Variants in EPHA6 observed in about 807,000 individuals in gnomAD.
EPHA6 encodes the protein EPH receptor A6.
In EPHA6, 50 loss-of-function variants were observed where a neutral mutation model predicts 112.0. That is an observed-to-expected ratio of 0.45 (90% CI 0.36 to 0.56). The LOEUF (loss-of-function observed/expected upper bound fraction) is 0.56, where lower values mean the gene tolerates loss of function less well. Ranked by LOEUF, EPHA6 falls within the 20% of genes least tolerant of loss-of-function variation. The pLI, the probability that EPHA6 is intolerant of heterozygous loss-of-function variation, is 0.00. For synonymous variants in EPHA6, 529 were observed against 490.7 expected (o/e 1.08, Z -1.03); for missense variants, 1,280 against 1,417.4 (o/e 0.90, Z 1.56).
At chr3:97,368,924 C>T (rs2084893159) in intron 5 of EPHA6, among the ~76,000 whole-genome samples, 1 of 151,968 alleles carries the variant, frequency 6.6e-6, no homozygotes, top group Non-Finnish European at 1.5e-5. Context: ...GGAAAATAAC[C>T]TGGTTGCTAT....
chr3:97,663,005 A>G (rs1455724473), intron 14 of EPHA6, among the ~76,000 whole-genome samples: 2 of 152,220 alleles, frequency 1.3e-5, no homozygotes, highest in African/African-American at 2.4e-5. Flanking sequence ...CACCAGGGTC[A>G]GTCTTTGATC....
At chr3:97,730,106 C>A (rs755464202) in intron 15 of EPHA6, among the ~76,000 whole-genome samples, 10 of 152,074 alleles carry the variant, frequency 6.6e-5, no homozygotes, top group Non-Finnish European at 1.3e-4. Flanking sequence ...ACAGTCTAAG[C>A]AGTCCTTGCT....
chr3:97,135,740 TAAAA>T (rs58000616), intron 3 of EPHA6, among the ~76,000 whole-genome samples: 1 of 119,716 alleles, frequency 8.4e-6, no homozygotes, highest in Admixed American at 8.6e-5. Flanking sequence ...ATGGCAAGAT[TAAAA>T]AAAAAAAAAA....
At chr3:96,872,117 C>A (rs975485829) in intron 2 of EPHA6, among the ~76,000 whole-genome samples, 2 of 152,100 alleles carry the variant, frequency 1.3e-5, no homozygotes, top group African/African-American at 2.4e-5. Flanking sequence ...TGCAAATGAA[C>A]AGCCTCCTGC....
Position 97,420,728 on chromosome 3 carries a change from C to A in EPHA6, c.1731+15454C>A, listed in dbSNP as rs544114854. The stretch of plus-strand genomic sequence containing the variant: ...AGGCCAGAATAACCTCTTAACTGAA[C>A]GAGGGCAGTAGGAGAAATAATAACT... On this transcript the variant is annotated intron_variant, in intron 6 of 17. Transcript: ENST00000389672. Among the ~76,000 whole-genome samples, 12 of 151,666 alleles carry A rather than the reference C, an allele frequency of 7.9e-5. No individual in the cohort carries two copies. In the East Asian group the frequency reaches 2.1e-3, roughly 27 times the overall value.
chr3:97,261,808 A>G (rs1403122865), intron 5 of EPHA6, among the ~76,000 whole-genome samples: 2 of 152,178 alleles, frequency 1.3e-5, no homozygotes, highest in Non-Finnish European at 2.9e-5. Flanking sequence ...AACCAACCCA[A>G]TGAGATGCTA....
rs564857011 is a variant in EPHA6 at position 97,239,062 on chromosome 3, T to C, written c.1271-4890T>C. Among the ~76,000 whole-genome samples the C allele has an allele frequency of 2.0e-5, 3 of 152,098 alleles. No individual in the cohort carries two copies. The East Asian group carries it at 5.8e-4, about 29-fold the overall frequency. On this transcript the variant is annotated intron_variant, in intron 4 of 17. Coordinates refer to ENST00000389672, the MANE Select transcript of EPHA6 (RefSeq NM_001080448.3). ...AACAAGTTTTGTTTTAGGCATCAAT[T>C]TAATTACTAAAAGTAGGTGCAAGCA...
intron 10 of EPHA6, among the ~76,000 whole-genome samples, chr3:97,488,903 C>T (rs1446285147): frequency 6.6e-6 from 1 of 152,148 alleles, no homozygotes; most frequent in East Asian, 1.9e-4. Context: ...CTTTCTAAAT[C>T]AAATGATGTA....
At chr3:97,506,248 G>T (rs1390264010) in intron 10 of EPHA6, among the ~76,000 whole-genome samples, 1 of 152,136 alleles carries the variant, frequency 6.6e-6, no homozygotes, top group Non-Finnish European at 1.5e-5. Context: ...TCGTCATGAA[G>T]TCTTTGTGCA....
chr3:97,229,925 A>T (rs1193205639), intron 4 of EPHA6, among the ~76,000 whole-genome samples: 3 of 152,156 alleles, frequency 2.0e-5, no homozygotes, highest in Non-Finnish European at 4.4e-5. Context: ...AAATAGCAAA[A>T]TAAAACTTCT....
At chr3:97,231,224 ATAGAGCTT>A (rs2078515416) in intron 4 of EPHA6, among the ~76,000 whole-genome samples, 1 of 152,182 alleles carries the variant, frequency 6.6e-6, no homozygotes, top group South Asian at 2.1e-4. Flanking sequence ...AAAGTGAAAT[ATAGAGCTT>A]TAGTCAAGTT....
Position 96,832,600 on chromosome 3 carries a change from T to G in EPHA6, c.385+17592T>G, listed in dbSNP as rs560717543. On this transcript the variant is annotated intron_variant, in intron 1 of 17. Coordinates refer to ENST00000389672, the MANE Select transcript of EPHA6 (RefSeq NM_001080448.3). ...AATATTTTGGTTATTGCCATTGGCC[T>G]GGTTAAAAGAGAAAACTTGTGCCAC... is the stretch of plus-strand genomic sequence containing the variant. 8.5e-5 allele frequency among the ~76,000 whole-genome samples: 13 copies of G among 152,176 alleles called. No homozygotes were observed. The South Asian group carries it at 2.5e-3, about 29-fold the overall frequency.
intron 2 of EPHA6, among the ~76,000 whole-genome samples, chr3:96,983,799 C>T (rs983853699): frequency 6.6e-6 from 1 of 152,156 alleles, no homozygotes; most frequent in Non-Finnish European, 1.5e-5. Context: ...TCTTTTCATT[C>T]ATTTGATCTT....
At chr3:97,214,038 T>TGTGAGAGAGA (rs1491420279) in intron 3 of EPHA6, among the ~76,000 whole-genome samples, 797 of 77,790 alleles carry the variant, frequency 0.01, 11 homozygotes, top group African/African-American at 0.027. Flanking sequence ...TGTGTGTGTG[T>TGTGAGAGAGA]GAGAGAGAGA....
chr3:96,818,861 T>G (rs1373764158), intron 1 of EPHA6, among the ~76,000 whole-genome samples: 2 of 151,898 alleles, frequency 1.3e-5, no homozygotes, highest in Non-Finnish European at 2.9e-5. Flanking sequence ...GTTGTAAGGG[T>G]TCCAGAGATT....
chr3:97,418,624 T>C (rs967234412), intron 6 of EPHA6, among the ~76,000 whole-genome samples: 3 of 152,018 alleles, frequency 2.0e-5, no homozygotes, highest in African/African-American at 7.2e-5. Context: ...ATATTGGTGT[T>C]TAGAGATAAA....
chr3:97,512,046 T>C (rs143404272), intron 10 of EPHA6, among the ~76,000 whole-genome samples: 92 of 152,290 alleles, frequency 6.0e-4, no homozygotes, highest in African/African-American at 2.0e-3. Context: ...AGCATAAACT[T>C]TTTTTAAGTA....
intron 5 of EPHA6, among the ~76,000 whole-genome samples, chr3:97,264,822 C>G (rs2079618643): frequency 6.6e-6 from 1 of 152,118 alleles, no homozygotes; most frequent in African/African-American, 2.4e-5. Flanking sequence ...TAGCCAGGTG[C>G]CCCTGTCCTA....
intron 3 of EPHA6, among the ~76,000 whole-genome samples, chr3:97,142,914 A>G (rs903875527): frequency 1.5e-4 from 23 of 151,976 alleles, no homozygotes; most frequent in African/African-American, 5.5e-4. Flanking sequence ...TCCTCTGAGA[A>G]CCGGAAGAAG....
Sources: allele counts gnomAD v4.1 joint callset (sites outside exome capture counted in the v4.1 genomes callset), GRCh38; gene constraint gnomAD v4.1.1; transcripts MANE v1.5; gene names NCBI Gene and HGNC (gene_info 2026-07-23, HGNC 2026-07-21).